Variants in MROH2B observed in about 807,000 individuals in gnomAD.
MROH2B encodes the protein maestro heat-like repeat-containing protein family member 2B.
In MROH2B, 177 loss-of-function variants were observed where a neutral mutation model predicts 208.6. The ratio of observed to expected loss-of-function variants is 0.85; its 90% CI spans 0.75 to 0.96. The LOEUF is 0.96. Ranked by LOEUF, MROH2B falls within the 40% of genes least tolerant of loss-of-function variation. The pLI is 0.00. For missense variants in MROH2B, 2,002 were observed against 1,878.7 expected (o/e 1.07, Z -1.21); for synonymous variants, 728 against 659.0 (o/e 1.10, Z -1.60).
chr5:41,057,252 A>C lies in MROH2B; in HGVS notation c.849+16T>G, dbSNP rs1190981368. ...GTTGAAATTAAAAATTGGAGTTGACAGCATGGTCTTCTTACCTGCTGGAGT... is the reference window on the plus strand; with the variant it reads ...GTTGAAATTAAAAATTGGAGTTGACCGCATGGTCTTCTTACCTGCTGGAGT... On this transcript the variant is annotated intron_variant, in intron 8 of 41. Coordinates refer to ENST00000399564, the MANE Select transcript of MROH2B (RefSeq NM_173489.5). The C allele has an allele frequency of 6.2e-7, 1 of 1,607,492 alleles. No individual in the cohort carries two copies.
At chr5:41,062,947 C>A (rs1220502435) in intron 5 of MROH2B, among the ~76,000 whole-genome samples, 3 of 152,018 alleles carry the variant, frequency 2.0e-5, no homozygotes, top group Non-Finnish European at 2.9e-5. Flanking sequence ...GTGAAGCAGC[C>A]AGCACAATGT....
chr5:41,001,570 G>A (rs1335882969), intron 37 of MROH2B, among the ~76,000 whole-genome samples: 2 of 152,024 alleles, frequency 1.3e-5, no homozygotes, highest in East Asian at 3.9e-4. Flanking sequence ...AATTAGCCAG[G>A]CCTGGTGGCA....
chr5:41,033,651 A>G (rs931067493), intron 22 of MROH2B, among the ~76,000 whole-genome samples, 187 bp downstream of exon 22: 1 of 152,050 alleles, frequency 6.6e-6, no homozygotes, highest in East Asian at 1.9e-4. Flanking sequence ...GAACCAGAAT[A>G]TAGTTCCTTG....
chr5:41,005,979 C>T (rs762397404), intron 34 of MROH2B, among the ~76,000 whole-genome samples: 2 of 146,302 alleles, frequency 1.4e-5, no homozygotes, highest in East Asian at 2.0e-4. Flanking sequence ...TGCAGTCAGC[C>T]GAGATCGCGC....
rs1358660711 is a variant in MROH2B, at chr5:41,055,875, T to C, written c.920-20A>G. 1 of 1,541,560 alleles carries C rather than the reference T, an allele frequency of 6.5e-7. No homozygotes were observed. Among genetic ancestry groups the C allele is most frequent in the African/African-American group, 1.4e-5 (1 of 73,414 alleles). ...AATGGGCTGCAGGTTCAAGAAACAC[T>C]AGAGCTGTAACTCATTTTCATCCTA... On this transcript the variant is annotated intron_variant, in intron 9 of 41. Transcript: ENST00000399564.
chr5:41,005,796 C>G (rs1045614481), intron 34 of MROH2B, among the ~76,000 whole-genome samples, 151 bp from the exon 35 acceptor site: 1 of 151,896 alleles, frequency 6.6e-6, no homozygotes, highest in Admixed American at 6.6e-5. Flanking sequence ...TTTGGGAGGC[C>G]GAGGCAGGTG....
In MROH2B at chr5:41,005,426, T is replaced by TCCTG. The variant is rs1741553856; in HGVS notation, c.3864+104_3864+105insCAGG. 18 of 24,112 alleles carry TCCTG rather than the reference T, an allele frequency of 7.5e-4. 1 individual carries two copies. Among genetic ancestry groups the TCCTG allele is most frequent in the East Asian group, 4.5e-3 (10 of 2,228 alleles). The allele number at this position is 24,112 out of a possible 1,614,324, so 1.5% of individuals were successfully genotyped here. A position where few individuals can be genotyped will look rare whatever the true frequency, so the allele number is the denominator to read the frequency against. ...CTCCTCTATGAAACCCCCCCCCCCC[T>TCCTG]TGAAGTCTCTCTTCCCTGGTTCCAG... On this transcript the variant is annotated intron_variant, in intron 35 of 41. Transcript: ENST00000399564.
At chr5:41,066,250 T>G (rs1743809260) in intron 3 of MROH2B, among the ~76,000 whole-genome samples, 1 of 152,158 alleles carries the variant, frequency 6.6e-6, no homozygotes, top group Non-Finnish European at 1.5e-5. Context: ...GATGGCGAAC[T>G]AGGTAAATTT....
At position 41,010,050 on chromosome 5, in the gene MROH2B, A is replaced by G. The variant is rs1212269905; in HGVS notation, c.3165T>C (p.His1055=). 1 of 1,613,804 alleles carries G rather than the reference A, an allele frequency of 6.2e-7. No individual in the cohort carries two copies. The highest frequency in any genetic ancestry group is 8.5e-7 in the Non-Finnish European group (1 of 1,179,796). The change falls in exon 31 of 42, where the codon CAT becomes CAC. Residue 1055 remains histidine, a synonymous_variant. Coordinates refer to ENST00000399564, the MANE Select transcript of MROH2B (RefSeq NM_173489.5). The part of the protein sequence containing the change: ...QLLEILGTIY[H]HMPVLRQKEE... ...CTTTTTGTCTGAGGACTGGCATGTGATGGTAGATTGTGCCTAAGATCTCCA... is the reference window on the plus strand; with the variant it reads ...CTTTTTGTCTGAGGACTGGCATGTGGTGGTAGATTGTGCCTAAGATCTCCA...
At position 40,999,665 on chromosome 5, in the gene MROH2B, A is replaced by G. The variant is rs757063770; in HGVS notation, c.4585+12T>C. On this transcript the variant is annotated intron_variant, in intron 40 of 41. Coordinates refer to ENST00000399564, the MANE Select transcript of MROH2B (RefSeq NM_173489.5). Reference sequence around the variant, plus strand: ...AGACATATCTGGGTAGGAAATGGGGATGTGTACTCACCTGTGAGTTTGACA... The same window carrying G: ...AGACATATCTGGGTAGGAAATGGGGGTGTGTACTCACCTGTGAGTTTGACA... The G allele has an allele frequency of 8.7e-6, 14 of 1,602,338 alleles. No homozygotes were observed. The highest frequency in any genetic ancestry group is 1.1e-5 in the Non-Finnish European group (13 of 1,171,958).
chr5:41,065,343 C>T lies in MROH2B; in HGVS notation c.349G>A (p.Ala117Thr). ...ATTCCCGCTATACCATAGCTGGTTG[C>T]CAATTCAGCCAGGGCAAGCACAACG... is the stretch of plus-strand genomic sequence containing the variant. ...EFVVLALAEL[A>T]TSYVSQSIPF... Residue 117 changes from alanine (A) to threonine (T), a missense_variant, in exon 4 of 42, where the codon GCA (alanine) becomes ACA (threonine). Coordinates refer to ENST00000399564, the MANE Select transcript of MROH2B (RefSeq NM_173489.5). The T allele has an allele frequency of 6.2e-7, 1 of 1,611,622 alleles. No individual in the cohort carries two copies. Among genetic ancestry groups the T allele is most frequent in the Non-Finnish European group, 8.5e-7 (1 of 1,178,920 alleles).
intron 24 of MROH2B, among the ~76,000 whole-genome samples, chr5:41,024,888 AAACTGCTC>A (rs1267101669): frequency 3.3e-5 from 5 of 152,216 alleles, no homozygotes; most frequent in African/African-American, 1.2e-4. Context: ...AACTCACTCA[AAACTGCTC>A]AACTACATGG....
chr5:41,033,584 C>A (rs1485687078), intron 22 of MROH2B, among the ~76,000 whole-genome samples: 1 of 152,096 alleles, frequency 6.6e-6, no homozygotes, highest in Non-Finnish European at 1.5e-5. Flanking sequence ...TGGTGGGTCA[C>A]AACCCAAAGT....
rs1742973451 is a variant in MROH2B, at chr5:41,042,148, T to A, written c.1897A>T (p.Asn633Tyr). The A allele has an allele frequency of 2.5e-6, 4 of 1,597,080 alleles. No homozygotes were observed. Among genetic ancestry groups the A allele is most frequent in the Non-Finnish European group, 3.4e-6 (4 of 1,171,110 alleles). ...LACCQDSDFV[N>Y]SQIKEFLTAP... ...GTCAGAAACTCCTTAATCTGTGAGT[T>A]TACAAAGTCTGAATCTTGGCAGCAT... is the stretch of plus-strand genomic sequence containing the variant. The change falls in exon 19 of 42, where the codon AAC (asparagine) becomes TAC (tyrosine). Residue 633 changes from asparagine to tyrosine, a missense_variant. Coordinates refer to ENST00000399564, the MANE Select transcript of MROH2B (RefSeq NM_173489.5).
In MROH2B at chr5:41,041,072, G is replaced by A. The variant is rs530831192; in HGVS notation, c.1953+1020C>T. 4.6e-5 allele frequency among the ~76,000 whole-genome samples: 7 copies of A among 152,076 alleles called. 1 individual carries two copies. Among genetic ancestry groups the A allele is most frequent in the African/African-American group, 1.4e-4 (6 of 41,502 alleles). On this transcript the variant is annotated intron_variant, in intron 19 of 41. Coordinates refer to ENST00000399564, the MANE Select transcript of MROH2B (RefSeq NM_173489.5). ...GTTTCCTAACCTATACCAGAGATAA[G>A]ATGGAAAAAATGATATTAGAGATGG...
At chr5:41,067,483 C>A (rs1345622942) in intron 2 of MROH2B, among the ~76,000 whole-genome samples, 1 of 152,126 alleles carries the variant, frequency 6.6e-6, no homozygotes, top group African/African-American at 2.4e-5. Context: ...TCTCCTGCCT[C>A]AGCCTCCCGA....
chr5:41,020,888 G>T (rs980448321), intron 24 of MROH2B, among the ~76,000 whole-genome samples: 5 of 152,176 alleles, frequency 3.3e-5, no homozygotes, highest in African/African-American at 1.2e-4. Flanking sequence ...TCAAGAGTAA[G>T]ACAAGGATAC....
intron 32 of MROH2B, 87 bp downstream of exon 32, chr5:41,009,184 GTGTCATTAA>G: frequency 6.8e-7 from 1 of 1,469,484 alleles, no homozygotes; most frequent in South Asian, 1.3e-5. Context: ...GAAGAAGGAG[GTGTCATTAA>G]TGTGACAGCA....
rs758593902 is a variant in MROH2B, at chr5:41,017,900, G to T, written c.2834C>A (p.Thr945Asn). 6.3e-6 allele frequency: 10 copies of T among 1,589,796 alleles called. No individual in the cohort carries two copies. Among genetic ancestry groups the T allele is most frequent in the Admixed American group, 5.3e-5 (3 of 56,212 alleles). The change falls in exon 28 of 42, where the codon ACC becomes AAC. Residue 945 changes from threonine to asparagine, a missense_variant. Coordinates refer to ENST00000399564, the MANE Select transcript of MROH2B (RefSeq NM_173489.5). Reference protein sequence around the residue: ...LAPHSCDTLPTIRQAAASSTI... With the variant: ...LAPHSCDTLPNIRQAAASSTI... Reference sequence around the variant, plus strand: ...TGAGCTAGCAGCCGCCTGACGGATGGTGGGCAGGGTATCACAGGAGTGAGG... The same window carrying T: ...TGAGCTAGCAGCCGCCTGACGGATGTTGGGCAGGGTATCACAGGAGTGAGG...
Sources: allele counts gnomAD v4.1 joint callset (sites outside exome capture counted in the v4.1 genomes callset), GRCh38; gene constraint gnomAD v4.1.1; transcripts MANE v1.5; gene names NCBI Gene and HGNC (gene_info 2026-07-23, HGNC 2026-07-21).